Variants in NAV3 observed in about 807,000 individuals in gnomAD.
The protein encoded by NAV3 is pore membrane and/or filament interacting like protein 1.
A neutral mutation model predicts 244.7 loss-of-function variants in NAV3; 87 were observed. That is an observed-to-expected ratio of 0.36 (90% CI 0.30 to 0.42). NAV3 has a LOEUF of 0.42. Ranked by LOEUF, NAV3 falls within the 20% of genes least tolerant of loss-of-function variation. The pLI, the probability that NAV3 is intolerant of heterozygous loss-of-function variation, is 1.00. For synonymous variants in NAV3, 1,126 were observed against 1,042.2 expected (o/e 1.08, Z -1.55); for missense variants, 2,663 against 2,893.3 (o/e 0.92, Z 1.83).
rs139040016 is a variant in NAV3 at position 77,654,270 on chromosome 12, C to T, written c.72+82004C>T. On this transcript the variant is annotated intron_variant, in intron 2 of 8. Coordinates refer to the NAV3 transcript ENST00000550042. Reference sequence around the variant, plus strand: ...CCACCCAAATACTGCGCTTTTCCGACGGGCTTAAAAAATGGCGCGCCACGA... The same window carrying T: ...CCACCCAAATACTGCGCTTTTCCGATGGGCTTAAAAAATGGCGCGCCACGA... Among the ~76,000 whole-genome samples the T allele has an allele frequency of 6.3e-3, 960 of 152,320 alleles. 9 individuals are homozygous for T. The East Asian group carries it at 0.12, about 19-fold the overall frequency.
At chr12:78,104,502 G>A (rs561964910) in intron 12 of NAV3, among the ~76,000 whole-genome samples, 1 of 152,218 alleles carries the variant, frequency 6.6e-6, no homozygotes, top group East Asian at 1.9e-4. Flanking sequence ...GTGAATCCAG[G>A]AGTGAATCCA....
intron 1 of NAV3, among the ~76,000 whole-genome samples, chr12:77,840,497 G>A (rs1284492119): frequency 6.6e-6 from 1 of 151,974 alleles, no homozygotes; most frequent in Non-Finnish European, 1.5e-5. Context: ...AATGGAAGAG[G>A]GACAAATCTA....
intron 1 of NAV3, among the ~76,000 whole-genome samples, chr12:77,882,516 G>C (rs911839005): frequency 1.3e-5 from 2 of 151,862 alleles, no homozygotes; most frequent in African/African-American, 2.4e-5. Flanking sequence ...CTGACATCAG[G>C]CTTTATAAGA....
chr12:77,874,511 A>G (rs1387218952), intron 1 of NAV3, among the ~76,000 whole-genome samples: 1 of 152,146 alleles, frequency 6.6e-6, no homozygotes, highest in African/African-American at 2.4e-5. Flanking sequence ...ATGCTCAGCC[A>G]GCATTCTTTT....
At position 78,128,814 on chromosome 12, in the gene NAV3, C is replaced by T. The variant is rs1380231063; in HGVS notation, c.4389C>T (p.Ser1463=). Reference sequence around the variant, plus strand: ...CTGGCAACCAGTCACCTCTGGTTTCCCCTTCTGCCATGTCATCTTCTGCAG... The same window carrying T: ...CTGGCAACCAGTCACCTCTGGTTTCTCCTTCTGCCATGTCATCTTCTGCAG... ...QDTGNQSPLV[S]PSAMSSSAAG... is the part of the protein sequence containing the mutation. Residue 1463 remains serine (S), a synonymous_variant, in exon 18 of 40, where the codon TCC becomes TCT. Coordinates refer to ENST00000397909, the MANE Select transcript of NAV3 (RefSeq NM_001024383.2). The T allele has an allele frequency of 1.9e-6, 3 of 1,613,898 alleles. No homozygotes were observed. Among genetic ancestry groups the T allele is most frequent in the Non-Finnish European group, 2.5e-6 (3 of 1,179,956 alleles).
intron 2 of NAV3, among the ~76,000 whole-genome samples, chr12:77,683,544 A>C (rs1014096419): frequency 1.3e-5 from 2 of 152,048 alleles, no homozygotes; most frequent in Non-Finnish European, 2.9e-5. Flanking sequence ...ATTGGTTTTT[A>C]TATTTCCGTG....
intron 2 of NAV3, among the ~76,000 whole-genome samples, chr12:77,720,177 CT>C: frequency 6.6e-6 from 1 of 152,070 alleles, no homozygotes; most frequent in Non-Finnish European, 1.5e-5. Context: ...CTCTCTCTCT[CT>C]CTTTAACCTG....
intron 2 of NAV3, among the ~76,000 whole-genome samples, chr12:77,721,082 C>T (rs1876607277): frequency 6.6e-6 from 1 of 152,028 alleles, no homozygotes; most frequent in African/African-American, 2.4e-5. Flanking sequence ...AGTGAGAGGA[C>T]CACAGTCCAT....
At chr12:78,118,349 T>C (rs1955516130) in intron 14 of NAV3, 52 bp downstream of exon 14, 1 of 1,531,932 alleles carries the variant, frequency 6.5e-7, no homozygotes, top group African/African-American at 1.4e-5. Flanking sequence ...CTTTATTGTT[T>C]CCATTCAATC....
intron 2 of NAV3, among the ~76,000 whole-genome samples, chr12:77,576,737 A>G: frequency 6.6e-6 from 1 of 152,144 alleles, no homozygotes; most frequent in Non-Finnish European, 1.5e-5. Flanking sequence ...TTCTTTAAAG[A>G]AAATATGAGC....
intron 2 of NAV3, among the ~76,000 whole-genome samples, chr12:77,741,797 A>T (rs568190631): frequency 6.6e-6 from 1 of 152,264 alleles, no homozygotes; most frequent in South Asian, 2.1e-4. Flanking sequence ...TGACAAATTC[A>T]TGTTGTTTTA....
intron 9 of NAV3, among the ~76,000 whole-genome samples, chr12:78,038,591 T>C (rs1306634712): frequency 2.0e-5 from 3 of 152,222 alleles, no homozygotes; most frequent in African/African-American, 7.2e-5. Flanking sequence ...GTTGTCAGAA[T>C]AGTGATTTCT....
At chr12:77,948,666 C>A in intron 3 of NAV3, among the ~76,000 whole-genome samples, 1 of 143,200 alleles carries the variant, frequency 7.0e-6, no homozygotes, top group Non-Finnish European at 1.5e-5. Context: ...CTTATTGCTC[C>A]TTCTTTTTCA....
At chr12:77,792,598 G>A (rs897440293) in intron 2 of NAV3, among the ~76,000 whole-genome samples, 1 of 152,168 alleles carries the variant, frequency 6.6e-6, no homozygotes, top group African/African-American at 2.4e-5. Flanking sequence ...GTTTCTGGAA[G>A]ACACAGGATT....
intron 5 of NAV3, among the ~76,000 whole-genome samples, chr12:77,975,885 T>C (rs1264667338): frequency 6.6e-6 from 1 of 151,984 alleles, no homozygotes; most frequent in Non-Finnish European, 1.5e-5. Context: ...TAGAGTGTAG[T>C]AGGGAAAAGG....
At chr12:78,099,502 C>T (rs183246771) in intron 12 of NAV3, among the ~76,000 whole-genome samples, 3 of 151,854 alleles carry the variant, frequency 2.0e-5, no homozygotes, top group Admixed American at 1.3e-4. Flanking sequence ...ACTGCCCAGT[C>T]TTCCACAGTG....
intron 19 of NAV3, among the ~76,000 whole-genome samples, chr12:78,138,196 G>C (rs568203491): frequency 5.8e-4 from 88 of 152,158 alleles, no homozygotes; most frequent in African/African-American, 1.9e-3. Flanking sequence ...TAAAAGAAAA[G>C]TCTCCAAATC....
At position 78,122,120 on chromosome 12, in the gene NAV3, T is replaced by G. The variant is rs1253352106; in HGVS notation, c.3930T>G (p.Pro1310=). The change falls in exon 16 of 40, where the codon CCT becomes CCG. Residue 1310 remains proline (P), a synonymous_variant. Transcript: ENST00000397909. ...GTGGGCTAAGCGGCAGCAGCAGCCC[T>G]CTCTTCAATAAACCCTCAGACTTAA... ...SAGGLSGSSS[P]LFNKPSDLTT... 2 of 1,614,080 alleles carry G rather than the reference T, an allele frequency of 1.2e-6. No individual in the cohort carries two copies. The highest frequency in any genetic ancestry group is 1.1e-5 in the South Asian group (1 of 91,078).
At chr12:77,636,295 G>A (rs1872150365) in intron 2 of NAV3, among the ~76,000 whole-genome samples, 1 of 151,492 alleles carries the variant, frequency 6.6e-6, no homozygotes, top group Non-Finnish European at 1.5e-5. Flanking sequence ...CAAAACCCTG[G>A]CTCTACCAAA....
Sources: allele counts gnomAD v4.1 joint callset (sites outside exome capture counted in the v4.1 genomes callset), GRCh38; gene constraint gnomAD v4.1.1; transcripts MANE v1.5; gene names NCBI Gene and HGNC (gene_info 2026-07-23, HGNC 2026-07-21).